Variants in TRIM16 observed in about 807,000 individuals in gnomAD.
The protein encoded by TRIM16 is tripartite motif containing 16, also known as tripartite motif-containing protein 16.
A neutral mutation model predicts 50.4 loss-of-function variants in TRIM16; 33 were observed. That is an observed-to-expected ratio of 0.65 (90% CI 0.50 to 0.88). The LOEUF is 0.88. Ranked by LOEUF, TRIM16 falls within the 40% of genes least tolerant of loss-of-function variation. The probability of loss-of-function intolerance (pLI) is 0.00; values close to 1 mark genes in which losing one functional copy is unlikely to be tolerated. For missense variants in TRIM16, 581 were observed against 686.8 expected, an observed-to-expected ratio of 0.85 and a Z score of 1.72; for synonymous variants, 229 against 270.7, an observed-to-expected ratio of 0.85 and a Z score of 1.51.
At position 15,682,968 on chromosome 17, in the gene TRIM16, A is replaced by C; in HGVS notation, c.-776-17T>G. 1 of 1,545,514 alleles carries C rather than the reference A, an allele frequency of 6.5e-7. No homozygotes were observed. Among genetic ancestry groups the C allele is most frequent in the East Asian group, 2.4e-5 (1 of 40,880 alleles). On this transcript the variant is annotated splice_polypyrimidine_tract_variant and intron_variant, in intron 2 of 11. Transcript: ENST00000649191. ...ACAAGGTTGCTGTAAAGAAAAACTA[A>C]AATGAGGTTGTGTGTGCATACTGCA...
intron 6 of TRIM16, among the ~76,000 whole-genome samples, chr17:15,667,046 G>A (rs1457527377): frequency 2.0e-5 from 3 of 152,134 alleles, no homozygotes; most frequent in Non-Finnish European, 4.4e-5. Context: ...AGTATTTGTA[G>A]AGTCTTGCCT....
intron 6 of TRIM16, among the ~76,000 whole-genome samples, chr17:15,660,897 CAAAAAAA>C (rs550489491): frequency 1.7e-5 from 1 of 60,120 alleles, no homozygotes; most frequent in South Asian, 6.3e-4. Flanking sequence ...GACTCCATCT[CAAAAAAA>C]AAAAAAAAAA....
chr17:15,653,097 T>G (rs554246771), intron 6 of TRIM16, among the ~76,000 whole-genome samples: 44 of 152,196 alleles, frequency 2.9e-4, no homozygotes, highest in Non-Finnish European at 5.1e-4. Flanking sequence ...ATCCCCACAG[T>G]GATGAGTGAG....
chr17:15,652,987 A>C (rs1285726383), intron 6 of TRIM16, among the ~76,000 whole-genome samples: 1 of 152,130 alleles, frequency 6.6e-6, no homozygotes, highest in Non-Finnish European at 1.5e-5. Flanking sequence ...ACTTGTTCCC[A>C]CAAACCTCAT....
chr17:15,650,101 T>C (rs957098888), intron 7 of TRIM16, among the ~76,000 whole-genome samples: 1 of 152,144 alleles, frequency 6.6e-6, no homozygotes, highest in African/African-American at 2.4e-5. Flanking sequence ...TGTCTAGGGA[T>C]TGGCAGAGAG....
At chr17:15,662,443 C>T (rs1988284288) in intron 6 of TRIM16, among the ~76,000 whole-genome samples, 1 of 152,186 alleles carries the variant, frequency 6.6e-6, no homozygotes, top group African/African-American at 2.4e-5. Flanking sequence ...TTAGTTGATA[C>T]TCACCCATTT....
In TRIM16 at chr17:15,632,566, G is replaced by A. The variant is rs142287450; in HGVS notation, c.958C>T (p.His320Tyr). 4.0e-5 allele frequency: 65 copies of A among 1,613,774 alleles called. No homozygotes were observed. In the African/African-American group the frequency reaches 8.4e-4, roughly 21 times the overall value. ...TAGTTCTCCAGCAACTGGATTAAGTGTACAGTGGATTCCGTGATAACTTTG... is the reference window on the plus strand; with the variant it reads ...TAGTTCTCCAGCAACTGGATTAAGTATACAGTGGATTCCGTGATAACTTTG... ...IRKVITESTV[H>Y]LIQLLENYKK... is the part of the protein sequence containing the mutation. Residue 320 changes from histidine (H) to tyrosine (Y), a missense_variant, in exon 10 of 12, where the codon CAC becomes TAC. Physicochemically the swap from His to Tyr is moderately conservative, Grantham distance 83 (BLOSUM62 2). This residue lies in a region of TRIM16 where 450 missense variants were observed against 544.3 expected (regional missense o/e 0.83). Coordinates refer to ENST00000649191, the MANE Select transcript of TRIM16 (RefSeq NM_001348119.1).
In TRIM16 at chr17:15,669,909, C is replaced by G. The variant is rs999552057; in HGVS notation, c.-338+7267G>C. Among the ~76,000 whole-genome samples, 17 of 152,312 alleles carry G rather than the reference C, an allele frequency of 1.1e-4. No homozygotes were observed. The East Asian group carries it at 2.9e-3, about 26-fold the overall frequency. On this transcript the variant is annotated intron_variant, in intron 6 of 11. Coordinates refer to ENST00000649191, the MANE Select transcript of TRIM16 (RefSeq NM_001348119.1). ...TAGGTGCCAGTAACACCCCCTCCCC[C>G]AATTGTGACAACCAAAACTCTCTCC... is the stretch of plus-strand genomic sequence containing the variant.
intron 8 of TRIM16, among the ~76,000 whole-genome samples, chr17:15,637,046 C>G (rs937365857): frequency 3.4e-5 from 5 of 148,864 alleles, no homozygotes; most frequent in African/African-American, 1.2e-4. Context: ...AGCCTCTCCG[C>G]CCGGTAGCCA....
intron 6 of TRIM16, among the ~76,000 whole-genome samples, chr17:15,671,457 T>C (rs1394751558): frequency 1.3e-5 from 2 of 151,612 alleles, no homozygotes; most frequent in African/African-American, 4.9e-5. Flanking sequence ...AAGTATGAGA[T>C]GATTTTTCCT....
In TRIM16 at chr17:15,651,553, G is replaced by A. The variant is rs753238698; in HGVS notation, c.57C>T (p.Pro19=). 2 of 1,613,922 alleles carry A rather than the reference G, an allele frequency of 1.2e-6. No individual in the cohort carries two copies. Among genetic ancestry groups the A allele is most frequent in the African/African-American group, 1.3e-5 (1 of 74,932 alleles). ...PGPLPRATAQ[P]PAPLSPDSGS... ...CAGAGTCTGGGCTGAGAGGGGCTGG[G>A]GGCTGAGCAGTGGCCCTGGGCAGTG... is the stretch of plus-strand genomic sequence containing the variant. Residue 19 remains proline (P), a synonymous_variant, in exon 7 of 12, where the codon CCC becomes CCT. Coordinates refer to ENST00000649191, the MANE Select transcript of TRIM16 (RefSeq NM_001348119.1).
At chr17:15,664,358 T>C (rs936647153) in intron 6 of TRIM16, among the ~76,000 whole-genome samples, 5 of 152,160 alleles carry the variant, frequency 3.3e-5, no homozygotes, top group African/African-American at 1.2e-4. Flanking sequence ...AGAGAATTTG[T>C]AAAGCACAGA....
At chr17:15,654,107 A>G (rs1347097863) in intron 6 of TRIM16, among the ~76,000 whole-genome samples, 3 of 152,164 alleles carry the variant, frequency 2.0e-5, no homozygotes, top group Admixed American at 2.0e-4. Flanking sequence ...GGTGAGTTCT[A>G]TAGGATTTGG....
intron 6 of TRIM16, among the ~76,000 whole-genome samples, chr17:15,664,849 T>C (rs1207900622): frequency 6.6e-6 from 1 of 151,900 alleles, no homozygotes; most frequent in East Asian, 1.9e-4. Context: ...CTGGCCAACA[T>C]GGTGAAACCC....
In TRIM16 at chr17:15,639,045, CTTTTTTT is replaced by C. The variant is rs529832460; in HGVS notation, c.616-2783_616-2777del. Among the ~76,000 whole-genome samples, 126 of 100,894 alleles carry C rather than the reference CTTTTTTT, an allele frequency of 1.2e-3. 2 individuals carry two copies. Among genetic ancestry groups the C allele is most frequent in the Non-Finnish European group, 1.8e-3 (99 of 55,114 alleles). The allele number at this position is 100,894 out of a possible 152,430, so 66.2% of individuals were successfully genotyped here. On this transcript the variant is annotated intron_variant, in intron 8 of 11. Coordinates refer to ENST00000649191, the MANE Select transcript of TRIM16 (RefSeq NM_001348119.1). ...GACAATCTCCCTACATTCTCTCTCTCTTTTTTTTTTTTTTTTTTTTTTTTTTTAGACA... is the reference window on the plus strand; with the variant it reads ...GACAATCTCCCTACATTCTCTCTCTCTTTTTTTTTTTTTTTTTTTTAGACA...
Position 15,651,505 on chromosome 17 carries a change from C to T in TRIM16, c.105G>A (p.Gly35=). 1 of 1,612,796 alleles carries T rather than the reference C, an allele frequency of 6.2e-7. No homozygotes were observed. Among genetic ancestry groups the T allele is most frequent in the Non-Finnish European group, 8.5e-7 (1 of 1,179,258 alleles). Residue 35 remains glycine, a synonymous_variant, in exon 7 of 12, where the codon GGG becomes GGA. Transcript: ENST00000649191. ...CCTCTTCTTCCACTGGGCTGGCTGA[C>T]CCAGAATCTGGGCTGGGTGACCCAG... ...PDSGSPSPDS[G]SASPVEEEDV... is the part of the protein sequence containing the mutation.
chr17:15,648,029 TC>T (rs1011882527), intron 7 of TRIM16, among the ~76,000 whole-genome samples: 1 of 151,748 alleles, frequency 6.6e-6, no homozygotes, highest in African/African-American at 2.4e-5. Flanking sequence ...ATCGAGACCA[TC>T]CTGGCTAACA....
At chr17:15,650,329 C>G (rs1325289940) in intron 7 of TRIM16, among the ~76,000 whole-genome samples, 1 of 152,042 alleles carries the variant, frequency 6.6e-6, no homozygotes, top group Non-Finnish European at 1.5e-5. Context: ...AGGAAAAAAG[C>G]ATATGAGGTG....
chr17:15,640,359 A>G (rs1206639930), intron 8 of TRIM16, among the ~76,000 whole-genome samples: 1 of 148,766 alleles, frequency 6.7e-6, no homozygotes, highest in African/African-American at 2.5e-5. Context: ...AAGGACCTTT[A>G]AGTTCAGCCC....
Sources: gnomAD v4.1 joint callset for allele counts (sites outside exome capture counted in the v4.1 genomes callset) on GRCh38, gnomAD v4.1.1 for gene constraint, gnomAD v4.1.1 regional missense constraint, MANE v1.5 for transcripts, NCBI Gene and HGNC (gene_info 2026-07-23, HGNC 2026-07-21) for gene names.